NKTR: variants seen among roughly 807,000 people sequenced by gnomAD.
The protein encoded by NKTR is natural killer cell triggering receptor.
In NKTR, 67 loss-of-function variants were observed where a neutral mutation model predicts 156.3. The observed-to-expected ratio is 0.43, with a 90% CI of 0.35 to 0.53. The LOEUF (loss-of-function observed/expected upper bound fraction) is 0.53, where lower values mean the gene tolerates loss of function less well. NKTR is among the 20% of genes least tolerant of loss of function. The pLI, the probability that NKTR is intolerant of heterozygous loss-of-function variation, is 0.01. For synonymous variants in NKTR, 640 were observed against 596.6 expected (o/e 1.07, Z -1.06); for missense variants, 1,604 against 1,730.9 (o/e 0.93, Z 1.30).
chr3:42,644,136 A>C, intron 16 of NKTR, 133 bp downstream of exon 16: 1 of 579,888 alleles, frequency 1.7e-6, no homozygotes, highest in Non-Finnish European at 3.0e-6. Context: ...TCTTCCTTTA[A>C]ATCTGAACAA....
At chr3:42,618,507 TGATC>T (rs1707614591) in intron 3 of NKTR, among the ~76,000 whole-genome samples, 1 of 152,078 alleles carries the variant, frequency 6.6e-6, no homozygotes, top group African/African-American at 2.4e-5. Flanking sequence ...TGCGGTAGTG[TGATC>T]TCAGCTCACT....
rs188752905 is a variant in NKTR at position 42,609,990 on chromosome 3, A to G, written c.59-7580A>G. Among the ~76,000 whole-genome samples, 11 of 151,966 alleles carry G rather than the reference A, an allele frequency of 7.2e-5. No individual in the cohort carries two copies. In the East Asian group the frequency reaches 1.4e-3, roughly 19 times the overall value. ...AATCTCTCCTATTGTCCTCTTATCT[A>G]CTTACATTGACTAGAATTTCCTTTT... On this transcript the variant is annotated intron_variant, in intron 2 of 16. Transcript: ENST00000232978.
Position 42,637,536 on chromosome 3 carries a change from G to A in NKTR, c.1832G>A (p.Ser611Asn). Residue 611 changes from serine to asparagine, a missense_variant, in exon 13 of 17, where the codon AGT (serine) becomes AAT (asparagine). Physicochemically the swap from Ser to Asn is conservative, Grantham distance 46. Coordinates refer to ENST00000232978, the MANE Select transcript of NKTR (RefSeq NM_005385.4). Reference protein sequence around the residue: ...VAENIPVIPLSDSPPPSRWKP... With the variant: ...VAENIPVIPLNDSPPPSRWKP... ...GAAAATATTCCTGTAATACCACTGA[G>A]TGACAGTCCCCCCCCTTCAAGATGG... 6.2e-7 allele frequency: 1 copy of A among 1,614,068 alleles called. No homozygotes were observed.
intron 2 of NKTR, among the ~76,000 whole-genome samples, chr3:42,616,304 G>C (rs540537954): frequency 1.3e-5 from 2 of 152,326 alleles, no homozygotes; most frequent in African/African-American, 2.4e-5. Flanking sequence ...GAACTGAAGA[G>C]TAATTAATTG....
At chr3:42,635,799 TAGAG>T (rs748988510) in intron 12 of NKTR, among the ~76,000 whole-genome samples, 16 of 151,548 alleles carry the variant, frequency 1.1e-4, no homozygotes, top group Non-Finnish European at 1.6e-4. Context: ...CCCAGCTACT[TAGAG>T]AGGCTGAGGC....
chr3:42,633,417 C>T, intron 9 of NKTR, 163 bp from the exon 10 acceptor site: 2 of 1,373,716 alleles, frequency 1.5e-6, no homozygotes, highest in Admixed American at 6.5e-5. Flanking sequence ...TTGGGTTTTT[C>T]ACTGGGTTGA....
Position 42,621,969 on chromosome 3 carries a change from A to G in NKTR, c.374+453A>G, listed in dbSNP as rs181249177. Among the ~76,000 whole-genome samples, 47 of 152,056 alleles carry G rather than the reference A, an allele frequency of 3.1e-4. No homozygotes were observed. The East Asian group carries it at 3.7e-3, about 12-fold the overall frequency. The stretch of plus-strand genomic sequence containing the variant: ...CCTCTTACTGTTGCTCTTTGAGGCA[A>G]TTTTGAGAGAGGTACTATTATTTTC... On this transcript the variant is annotated intron_variant, in intron 6 of 16. Transcript: ENST00000232978.
chr3:42,602,801 G>T (rs1003282730), intron 2 of NKTR: 1 of 151,920 alleles, frequency 6.6e-6, no homozygotes, highest in Non-Finnish European at 1.5e-5. Context: ...GTATCATTTT[G>T]AGGTCAGGAG....
chr3:42,643,641 T>G (rs1291195132), intron 15 of NKTR: 1 of 640,342 alleles, frequency 1.6e-6, no homozygotes, highest in Admixed American at 2.6e-5. Flanking sequence ...CCTACAGAGA[T>G]CCACCAGGTT....
intron 6 of NKTR, among the ~76,000 whole-genome samples, chr3:42,622,380 C>G (rs946903191): frequency 2.0e-5 from 3 of 151,940 alleles, no homozygotes; most frequent in Admixed American, 6.6e-5. Flanking sequence ...CTCAGTTGTC[C>G]TATGTATGTT....
intron 6 of NKTR, chr3:42,628,379 A>G (rs1411225607): frequency 3.0e-6 from 3 of 985,078 alleles, no homozygotes; most frequent in African/African-American, 1.7e-5. Flanking sequence ...TGTCATAAAG[A>G]TAGCTATTCC....
chr3:42,637,852 T>G lies in NKTR; in HGVS notation c.2148T>G (p.His716Gln). 6.2e-7 allele frequency: 1 copy of G among 1,613,936 alleles called. No individual in the cohort carries two copies. Among genetic ancestry groups the G allele is most frequent in the African/African-American group, 1.3e-5 (1 of 75,060 alleles). ...YTRSRSLASS[H>Q]SRSRSPSSRS... ...GATCACGTAGTCTAGCTAGTTCACA[T>G]TCAAGGTCTAGGTCTCCATCATCTA... The change falls in exon 13 of 17, where the codon CAT (histidine) becomes CAG (glutamine). Residue 716 changes from histidine to glutamine, a missense_variant. By Grantham distance (24) the His-to-Gln change is conservative (BLOSUM62 0). This residue lies in a region of NKTR where 1,255 missense variants were observed against 1,243.7 expected (regional missense o/e 1.01). Transcript: ENST00000232978.
rs747397486 is a variant in NKTR, at chr3:42,643,943, G to A, written c.4241G>A (p.Arg1414Gln). ...AGCTACTATAGCAGGAGTCGGAGTC[G>A]AAGTAGAAGCCAGAGAAGTGACAGT... ...YDSYYSRSRS[R>Q]SRSQRSDSYH... The change falls in exon 16 of 17, where the codon CGA becomes CAA. Residue 1414 changes from arginine to glutamine, a missense_variant. Transcript: ENST00000232978. The A allele has an allele frequency of 2.0e-5, 33 of 1,613,916 alleles. No homozygotes were observed. The highest frequency in any genetic ancestry group is 2.7e-5 in the African/African-American group (2 of 74,914).
At position 42,646,115 on chromosome 3, in the gene NKTR, T is replaced by C; in HGVS notation, c.*140T>C. 1 of 544,922 alleles carries C rather than the reference T, an allele frequency of 1.8e-6. No homozygotes were observed. The highest frequency in any genetic ancestry group is 3.3e-6 in the Non-Finnish European group (1 of 300,412). 33.8% of individuals were successfully genotyped at this position (544,922 alleles called of 1,614,324 possible). A position where few individuals can be genotyped will look rare whatever the true frequency, so the allele number is the denominator to read the frequency against. On this transcript the variant is annotated 3_prime_UTR_variant, in exon 17 of 17. Transcript: ENST00000232978. ...CACTTCTTAATTGTTACTGGTTCATTTACATGTGGGGAGAAGAATTTAAAA... is the reference window on the plus strand; with the variant it reads ...CACTTCTTAATTGTTACTGGTTCATCTACATGTGGGGAGAAGAATTTAAAA...
intron 2 of NKTR, among the ~76,000 whole-genome samples, chr3:42,605,087 T>C (rs1706102435): frequency 6.6e-6 from 1 of 152,214 alleles, no homozygotes; most frequent in African/African-American, 2.4e-5. Context: ...CTTAGTGAAC[T>C]CTTTTATTAT....
chr3:42,606,926 C>T (rs927042104), intron 2 of NKTR, among the ~76,000 whole-genome samples: 1 of 151,944 alleles, frequency 6.6e-6, no homozygotes, highest in Non-Finnish European at 1.5e-5. Flanking sequence ...TGTGGCTATT[C>T]ACAGGCATGA....
At chr3:42,645,776 C>CT in intron 16 of NKTR, 112 bp from the exon 17 acceptor site, 3 of 620,930 alleles carry the variant, frequency 4.8e-6, no homozygotes. Flanking sequence ...ATATGAGTGG[C>CT]TTGAAAACAC....
At chr3:42,645,341 A>G (rs1347216961) in intron 16 of NKTR, among the ~76,000 whole-genome samples, 3 of 152,182 alleles carry the variant, frequency 2.0e-5, no homozygotes, top group African/African-American at 7.2e-5. Context: ...TCTTTATTTT[A>G]TCTTAATCTT....
chr3:42,634,093 T>C (rs1269809025), intron 10 of NKTR, among the ~76,000 whole-genome samples: 1 of 152,230 alleles, frequency 6.6e-6, no homozygotes, highest in Non-Finnish European at 1.5e-5. Flanking sequence ...TTGAATTCTT[T>C]GGATCCATTT....
Sources: allele counts gnomAD v4.1 joint callset (sites outside exome capture counted in the v4.1 genomes callset), GRCh38; gene constraint gnomAD v4.1.1; regional missense constraint gnomAD v4.1.1; transcripts MANE v1.5; gene names NCBI Gene and HGNC (gene_info 2026-07-23, HGNC 2026-07-21).